Variants in LMNTD1 observed in about 807,000 individuals in gnomAD.
LMNTD1 encodes the protein lamin tail domain containing 1.
A neutral mutation model predicts 50.9 loss-of-function variants in LMNTD1; 35 were observed. The ratio of observed to expected loss-of-function variants is 0.69; its 90% confidence interval spans 0.53 to 0.91. The LOEUF (loss-of-function observed/expected upper bound fraction) is 0.91, where lower values mean the gene tolerates loss of function less well. Ranked by LOEUF, LMNTD1 falls within the 40% of genes least tolerant of loss-of-function variation. The pLI, the probability that LMNTD1 is intolerant of heterozygous loss-of-function variation, is 0.00. For missense variants in LMNTD1, 470 were observed against 475.5 expected (o/e 0.99, Z 0.11); for synonymous variants, 153 against 161.9 (o/e 0.94, Z 0.42).
Position 25,520,041 on chromosome 12 carries a change from T to G in LMNTD1, c.833A>C (p.Gln278Pro), listed in dbSNP as rs1941172840. Residue 278 changes from glutamine to proline, a missense_variant, in exon 7 of 10, where the codon CAA becomes CCA. Transcript: ENST00000458174. The stretch of plus-strand genomic sequence containing the variant: ...GTCAGCATCTAATTTTTCCCACGCT[T>G]GCTTCCAGTGGATAGGGGTGTACCA... ...IAWYTPIHWK[Q>P]AWEKLDADVE... is the part of the protein sequence containing the mutation. 1 of 1,612,694 alleles carries G rather than the reference T, an allele frequency of 6.2e-7. No homozygotes were observed. Among genetic ancestry groups the G allele is most frequent in the South Asian group, 1.1e-5 (1 of 91,032 alleles).
At chr12:25,636,627 A>G (rs1946841190) in intron 1 of LMNTD1, among the ~76,000 whole-genome samples, 1 of 152,220 alleles carries the variant, frequency 6.6e-6, no homozygotes, top group Non-Finnish European at 1.5e-5. Context: ...CAATCTCACT[A>G]CTGGGTATCT....
In LMNTD1 at chr12:25,527,669, TATATATATATATACAC is replaced by T. The variant is rs1395544509; in HGVS notation, c.492-730_492-715del. Among the ~76,000 whole-genome samples, 56 of 22,742 alleles carry T rather than the reference TATATATATATATACAC, an allele frequency of 2.5e-3. No individual in the cohort carries two copies. In the South Asian group the frequency reaches 0.057, roughly 23 times the overall value. The allele number at this position is 22,742 out of a possible 152,430, so 14.9% of individuals were successfully genotyped here. On this transcript the variant is annotated intron_variant, in intron 4 of 9. Coordinates refer to ENST00000458174, the MANE Select transcript of LMNTD1 (RefSeq NM_001145728.2). Reference sequence around the variant, plus strand: ...ATATATATATATATATATATATATATATATATATATATACACACACACACACACACACACACACACA... The same window carrying T: ...ATATATATATATATATATATATATATACACACACACACACACACACACACA...
chr12:25,638,089 C>T (rs1314667594), intron 1 of LMNTD1, among the ~76,000 whole-genome samples: 1 of 151,986 alleles, frequency 6.6e-6, no homozygotes, highest in Non-Finnish European at 1.5e-5. Flanking sequence ...AGAAAAAACA[C>T]ATGATCACCT....
At chr12:25,484,550 T>A (rs893558528) in intron 9 of LMNTD1, among the ~76,000 whole-genome samples, 3 of 151,652 alleles carry the variant, frequency 2.0e-5, no homozygotes, top group Admixed American at 6.6e-5. Context: ...CATGTGCACA[T>A]TGTGCAGGTT....
chr12:25,638,908 C>G (rs1946892515), intron 1 of LMNTD1, among the ~76,000 whole-genome samples: 1 of 152,130 alleles, frequency 6.6e-6, no homozygotes, highest in Non-Finnish European at 1.5e-5. Context: ...GACTCCAATT[C>G]TGGATTTCAA....
At chr12:25,635,117 G>A (rs1344542137) in intron 1 of LMNTD1, among the ~76,000 whole-genome samples, 2 of 151,856 alleles carry the variant, frequency 1.3e-5, no homozygotes, top group East Asian at 1.9e-4. Flanking sequence ...GCACATGCCT[G>A]TAATCCCAGC....
chr12:25,643,146 G>T (rs1262712707), intron 1 of LMNTD1, among the ~76,000 whole-genome samples: 1 of 152,166 alleles, frequency 6.6e-6, no homozygotes, highest in Non-Finnish European at 1.5e-5. Context: ...ATTTTAGATT[G>T]TAATAAGAGT....
At position 25,603,946 on chromosome 12, in the gene LMNTD1, T is replaced by TGG. The variant is rs5797140; in HGVS notation, c.58+44546_58+44547dup. On this transcript the variant is annotated intron_variant, in intron 1 of 7. Coordinates refer to the LMNTD1 transcript ENST00000445693. Reference sequence around the variant, plus strand: ...AAATACCAGAGACACATACGAATATTGGGGGGGAAGGCTGACAAGTGGATC... The same window carrying TGG: ...AAATACCAGAGACACATACGAATATTGGGGGGGGGAAGGCTGACAAGTGGATC... Among the ~76,000 whole-genome samples, 9 of 151,698 alleles carry TGG rather than the reference T, an allele frequency of 5.9e-5. No individual in the cohort carries two copies. The South Asian group carries it at 6.2e-4, about 11-fold the overall frequency.
intron 1 of LMNTD1, among the ~76,000 whole-genome samples, chr12:25,637,918 A>G (rs749081195): frequency 1.3e-5 from 2 of 152,096 alleles, no homozygotes; most frequent in Non-Finnish European, 2.9e-5. Context: ...ACCACAGACT[A>G]ATATTCCATA....
At chr12:25,586,546 A>G (rs1217834118) in intron 1 of LMNTD1, among the ~76,000 whole-genome samples, 1 of 152,126 alleles carries the variant, frequency 6.6e-6, no homozygotes, top group African/African-American at 2.4e-5. Context: ...CATGTGACTA[A>G]GTGCTGACCA....
At chr12:25,536,958 G>A (rs1349886094) in intron 4 of LMNTD1, among the ~76,000 whole-genome samples, 1 of 152,246 alleles carries the variant, frequency 6.6e-6, no homozygotes, top group African/African-American at 2.4e-5. Context: ...ATCAAAGAAA[G>A]GGGTGACAGA....
intron 1 of LMNTD1, among the ~76,000 whole-genome samples, chr12:25,630,236 C>T (rs1946685626): frequency 6.6e-6 from 1 of 151,938 alleles, no homozygotes; most frequent in Admixed American, 6.5e-5. Context: ...AATAATAAGC[C>T]CTGGGAGAGG....
intron 1 of LMNTD1, among the ~76,000 whole-genome samples, chr12:25,626,651 A>C (rs892535750): frequency 2.6e-5 from 4 of 152,206 alleles, no homozygotes; most frequent in African/African-American, 9.6e-5. Flanking sequence ...TAGTATTTAA[A>C]AGATAGGATA....
In LMNTD1 at chr12:25,518,369, TAAG is replaced by T. The variant is rs1418644356; in HGVS notation, c.1189+423_1189+425del. Among the ~76,000 whole-genome samples, 6 of 152,336 alleles carry T rather than the reference TAAG, an allele frequency of 3.9e-5. No individual in the cohort carries two copies. The South Asian group carries it at 1.2e-3, about 32-fold the overall frequency. ...CTCTAAAAGCTTTATTTAGAGGACT[TAAG>T]AAACTTCTGAAGGAGAAAGAATTGG... On this transcript the variant is annotated intron_variant, in intron 8 of 9. Coordinates refer to ENST00000458174, the MANE Select transcript of LMNTD1 (RefSeq NM_001145728.2).
chr12:25,576,151 A>G (rs1174860730), intron 1 of LMNTD1, among the ~76,000 whole-genome samples: 8 of 152,158 alleles, frequency 5.3e-5, no homozygotes, highest in African/African-American at 1.4e-4. Flanking sequence ...CAATAAACAT[A>G]TGTGTGCATG....
rs58392351 is a variant in LMNTD1 at position 25,591,811 on chromosome 12, CAGAGAGAGAG to C, written c.59-45267_59-45258del. On this transcript the variant is annotated intron_variant, in intron 1 of 7. Coordinates refer to the LMNTD1 transcript ENST00000445693. ...ACCTCCAGCTCCTAATAGCTCAGAA[CAGAGAGAGAG>C]AGAGAGAGAGAGAGAGAGAGAGAGA... Among the ~76,000 whole-genome samples, 415 of 90,082 alleles carry C rather than the reference CAGAGAGAGAG, an allele frequency of 4.6e-3. 3 individuals carry two copies. The highest frequency in any genetic ancestry group is 0.015 in the South Asian group (30 of 1,952). 59.1% of individuals were successfully genotyped at this position (90,082 alleles called of 152,430 possible).
chr12:25,622,465 C>A (rs1357290128), intron 1 of LMNTD1, among the ~76,000 whole-genome samples: 2 of 120,340 alleles, frequency 1.7e-5, no homozygotes, highest in South Asian at 2.8e-4. Flanking sequence ...GTTTGTGAGC[C>A]CGCCCCCCCC....
intron 9 of LMNTD1, among the ~76,000 whole-genome samples, chr12:25,492,082 T>A (rs1938902204): frequency 1.3e-5 from 2 of 152,230 alleles, no homozygotes; most frequent in South Asian, 4.1e-4. Context: ...CATTGTGGGA[T>A]CTTGAACAGT....
At chr12:25,518,114 C>T (rs1483659075) in intron 8 of LMNTD1, among the ~76,000 whole-genome samples, 1 of 152,136 alleles carries the variant, frequency 6.6e-6, no homozygotes, top group Admixed American at 6.5e-5. Context: ...ACAACTTCAC[C>T]AGGATATTGC....
Sources: gnomAD v4.1 joint callset for allele counts (sites outside exome capture counted in the v4.1 genomes callset) on GRCh38, gnomAD v4.1.1 for gene constraint, MANE v1.5 for transcripts, NCBI Gene and HGNC (gene_info 2026-07-23, HGNC 2026-07-21) for gene names.